The following PDE3B variants were observed in gnomAD, a reference collection of about 807,000 sequenced individuals.
PDE3B encodes the protein cGMP-inhibited 3',5'-cyclic phosphodiesterase 3B.
A neutral mutation model predicts 116.8 loss-of-function variants in PDE3B; 66 were observed. The observed-to-expected ratio is 0.56, with a 90% CI of 0.46 to 0.69. The LOEUF (loss-of-function observed/expected upper bound fraction) is 0.69, where lower values mean the gene tolerates loss of function less well. Among genes scored for constraint, PDE3B ranks in the 30% least tolerant of loss-of-function variants. The probability of loss-of-function intolerance (pLI) is 0.00; values close to 1 mark genes in which losing one functional copy is unlikely to be tolerated. For synonymous variants in PDE3B, 595 were observed against 533.6 expected, an observed-to-expected ratio of 1.12 and a Z score of -1.59; for missense variants, 1,384 against 1,368.1, an observed-to-expected ratio of 1.01 and a Z score of -0.18.
At chr11:14,860,421 A>G (rs1847927945) in intron 13 of PDE3B, among the ~76,000 whole-genome samples, 1 of 152,096 alleles carries the variant, frequency 6.6e-6, no homozygotes, top group Non-Finnish European at 1.5e-5. Flanking sequence ...CAACCATCAC[A>G]CTGAAGTTCA....
intron 11 of PDE3B, among the ~76,000 whole-genome samples, chr11:14,836,242 A>G (rs565327424): frequency 1.3e-4 from 20 of 152,108 alleles, no homozygotes; most frequent in South Asian, 6.2e-4. Context: ...ATATTTTAGC[A>G]TGTTTGAAGG....
the PDE3B span, among the ~76,000 whole-genome samples, chr11:14,883,953 G>C: frequency 1.3e-5 from 2 of 152,008 alleles, no homozygotes; most frequent in Non-Finnish European, 2.9e-5. Context: ...CTGGCCATCA[G>C]AGAAATGCAA....
At chr11:14,697,213 T>C (rs533863489) in intron 1 of PDE3B, among the ~76,000 whole-genome samples, 13 of 152,222 alleles carry the variant, frequency 8.5e-5, no homozygotes, top group African/African-American at 3.1e-4. Context: ...GCAGAGTCTA[T>C]AGCTGTGAGC....
chr11:14,685,332 G>A (rs1854838830), intron 1 of PDE3B, among the ~76,000 whole-genome samples: 1 of 151,296 alleles, frequency 6.6e-6, no homozygotes, highest in African/African-American at 2.4e-5. Flanking sequence ...CACTCCCCCT[G>A]CCCCAGAATG....
chr11:14,723,035 A>C (rs1198713184), intron 1 of PDE3B, among the ~76,000 whole-genome samples: 2 of 152,258 alleles, frequency 1.3e-5, no homozygotes, highest in African/African-American at 2.4e-5. Flanking sequence ...TAGCCATCCT[A>C]AATGGCATCT....
chr11:14,854,507 T>G (rs994736003), intron 12 of PDE3B, among the ~76,000 whole-genome samples: 2 of 151,146 alleles, frequency 1.3e-5, no homozygotes, highest in African/African-American at 2.4e-5. Context: ...AGATTACAAC[T>G]GAAATCTAGA....
intron 12 of PDE3B, among the ~76,000 whole-genome samples, chr11:14,856,853 CA>C (rs1247235011): frequency 0.12 from 10,808 of 91,564 alleles, 503 homozygotes; most frequent in African/African-American, 0.21. Flanking sequence ...GAGTCCATCT[CA>C]AAAAAAAAAA....
the PDE3B span, chr11:14,880,201 G>T: frequency 4.3e-6 from 7 of 1,613,002 alleles, no homozygotes; most frequent in East Asian, 1.6e-4. Context: ...TGTAGTTTCA[G>T]TTCCAGCAAT....
Position 14,818,322 on chromosome 11 carries a change from T to A in PDE3B, c.1662T>A (p.Ser554=). The change falls in exon 6 of 16, where the codon TCT becomes TCA. Residue 554 remains serine, a synonymous_variant. Coordinates refer to ENST00000282096, the MANE Select transcript of PDE3B (RefSeq NM_000922.4). The stretch of plus-strand genomic sequence containing the variant: ...AGCCAAGCGTTATCTTGCAGAGATC[T>A]CTGGGCAATGCACCTAATACTCCAG... ...LNKPSVILQR[S]LGNAPNTPDF... The A allele has an allele frequency of 6.2e-7, 1 of 1,613,628 alleles. No individual in the cohort carries two copies. Among genetic ancestry groups the A allele is most frequent in the South Asian group, 1.1e-5 (1 of 91,074 alleles).
chr11:14,897,238 C>A, the PDE3B span, among the ~76,000 whole-genome samples: 28 of 152,228 alleles, frequency 1.8e-4, 1 homozygote, highest in South Asian at 5.0e-3. Context: ...AAAAAAAATT[C>A]CTAGAACTTG....
intron 11 of PDE3B, among the ~76,000 whole-genome samples, chr11:14,839,829 A>G (rs913665929): frequency 6.6e-6 from 1 of 152,222 alleles, no homozygotes; most frequent in African/African-American, 2.4e-5. Context: ...GATATCCTAG[A>G]TGCCTTCATA....
At chr11:14,875,997 A>G (rs1246145776), downstream of PDE3B, among the ~76,000 whole-genome samples, 1 of 152,220 alleles carries the variant, frequency 6.6e-6, no homozygotes, top group Non-Finnish European at 1.5e-5. Context: ...CCTAAATTGT[A>G]CTAGCAGCAG....
At chr11:14,666,064 G>A (rs1288633803) in intron 1 of PDE3B, among the ~76,000 whole-genome samples, 1 of 151,800 alleles carries the variant, frequency 6.6e-6, no homozygotes, top group Non-Finnish European at 1.5e-5. Context: ...AAAACAGCAT[G>A]GTACTGGTAC....
At chr11:14,776,636 A>G (rs1030452019) in intron 2 of PDE3B, 1 of 150,994 alleles carries the variant, frequency 6.6e-6, no homozygotes, top group African/African-American at 2.4e-5. Flanking sequence ...AAGTATAATT[A>G]AAAAATAATA....
chr11:14,878,219 T>C, the PDE3B span: 1 of 1,613,186 alleles, frequency 6.2e-7, no homozygotes, highest in South Asian at 1.1e-5. Flanking sequence ...AAAATGCAAA[T>C]GAAACCTCTG....
intron 1 of PDE3B, among the ~76,000 whole-genome samples, chr11:14,710,920 A>G (rs925484840): frequency 1.3e-5 from 2 of 152,252 alleles, no homozygotes; most frequent in Non-Finnish European, 2.9e-5. Context: ...TTATTTGCCC[A>G]AAGAACTTTT....
At chr11:14,677,423 A>T (rs1374685179) in intron 1 of PDE3B, among the ~76,000 whole-genome samples, 1 of 152,200 alleles carries the variant, frequency 6.6e-6, no homozygotes, top group Non-Finnish European at 1.5e-5. Flanking sequence ...TAACTTGCGT[A>T]TATGTAATGA....
At chr11:14,856,804 A>T (rs1334462967) in intron 12 of PDE3B, among the ~76,000 whole-genome samples, 2 of 151,382 alleles carry the variant, frequency 1.3e-5, no homozygotes, top group African/African-American at 4.9e-5. Context: ...CAGTGAGCTG[A>T]GATCGCGCCA....
chr11:14,769,501 A>G (rs936886181), intron 1 of PDE3B, among the ~76,000 whole-genome samples: 1 of 150,706 alleles, frequency 6.6e-6, no homozygotes, highest in African/African-American at 2.4e-5. Flanking sequence ...TTCACAAAAT[A>G]TAAGCTAAGA....
Sources: allele counts gnomAD v4.1 joint callset (sites outside exome capture counted in the v4.1 genomes callset), GRCh38; gene constraint gnomAD v4.1.1; transcripts MANE v1.5; gene names NCBI Gene and HGNC (gene_info 2026-07-23, HGNC 2026-07-21).